The following DISP3 variants were observed in gnomAD, a reference collection of about 807,000 sequenced individuals.
DISP3 encodes protein dispatched homolog 3.
A neutral mutation model predicts 135.3 loss-of-function variants in DISP3; 101 were observed. The observed-to-expected ratio is 0.75, with a 90% CI of 0.64 to 0.88. The LOEUF (loss-of-function observed/expected upper bound fraction) is 0.88, where lower values mean the gene tolerates loss of function less well. Ranked by LOEUF, DISP3 falls within the 40% of genes least tolerant of loss-of-function variation. The pLI is 0.00. For synonymous variants in DISP3, 856 were observed against 817.0 expected (o/e 1.05, Z -0.81); for missense variants, 1,713 against 1,878.6 (o/e 0.91, Z 1.63).
At chr1:11,480,473 C>T (rs532198098) in intron 1 of DISP3, among the ~76,000 whole-genome samples, 39 of 152,246 alleles carry the variant, frequency 2.6e-4, no homozygotes, top group South Asian at 1.7e-3. Flanking sequence ...CGCACGTGGG[C>T]GGACAGATCT....
In DISP3 at chr1:11,516,275, G is replaced by C; in HGVS notation, c.1749+114G>C. The C allele has an allele frequency of 7.7e-7, 1 of 1,301,238 alleles. No homozygotes were observed. The highest frequency in any genetic ancestry group is 1.5e-5 in the South Asian group (1 of 67,468). 80.6% of individuals were successfully genotyped at this position (1,301,238 alleles called of 1,614,324 possible). A position where few individuals can be genotyped will look rare whatever the true frequency, so the allele number is the denominator to read the frequency against. On this transcript the variant is annotated intron_variant, in intron 6 of 20. Transcript: ENST00000294484. This position sits in a 1 kb window ranked among gnomAD's most constrained non-coding sequence, Gnocchi z 5.1. ...AGTGGCCATATAGCCTTCACCTCAA[G>C]GTACTTGCCCTGGCTCTAGAGTTCA... is the stretch of plus-strand genomic sequence containing the variant.
chr1:11,526,406 G>C (rs1413566934), intron 12 of DISP3, among the ~76,000 whole-genome samples: 4 of 152,216 alleles, frequency 2.6e-5, no homozygotes, highest in Non-Finnish European at 1.5e-5. Flanking sequence ...GCCTGGCATG[G>C]GACAGACACT....
At chr1:11,535,749 A>T (rs1642693176) in intron 20 of DISP3, 105 bp downstream of exon 20, 1 of 1,378,858 alleles carries the variant, frequency 7.3e-7, no homozygotes. Flanking sequence ...CAGCACCAGG[A>T]CCCCCATGCA....
In DISP3 at chr1:11,514,462, GC is replaced by G; in HGVS notation, c.1390del (p.Leu464SerfsTer55). 6.2e-7 allele frequency: 1 copy of G among 1,614,048 alleles called. No individual in the cohort carries two copies. Among genetic ancestry groups the G allele is most frequent in the Non-Finnish European group, 8.5e-7 (1 of 1,179,898 alleles). ...EVRRTFNNDM[L>X]LAFISSSCIA... ...TGCGCAGGACGTTCAACAATGACATGCTCCTGGCCTTCATCAGCAGCAGCTG... is the reference window on the plus strand; with the variant it reads ...TGCGCAGGACGTTCAACAATGACATGTCCTGGCCTTCATCAGCAGCAGCTG... On this transcript the variant is annotated frameshift_variant, in exon 4 of 21. Transcript: ENST00000294484. LOFTEE classifies it high-confidence loss of function.
chr1:11,496,058 C>T (rs1314207584), intron 1 of DISP3, among the ~76,000 whole-genome samples: 1 of 152,110 alleles, frequency 6.6e-6, no homozygotes, highest in Non-Finnish European at 1.5e-5. Context: ...CACCCATAAT[C>T]CTCCCAAACA....
rs575206794 is a variant in DISP3, at chr1:11,525,488, G to A, written c.2613+176G>A. 7.9e-5 allele frequency among the ~76,000 whole-genome samples: 12 copies of A among 152,338 alleles called. No individual in the cohort carries two copies. In the South Asian group the frequency reaches 1.7e-3, roughly 21 times the overall value. ...CAGGGACCTGCCGAGTGGTAGCAGC[G>A]TGGGCTTCTGAGTCAGCCAGGCCTG... On this transcript the variant is annotated intron_variant, in intron 12 of 20. Coordinates refer to ENST00000294484, the MANE Select transcript of DISP3 (RefSeq NM_020780.2).
intron 10 of DISP3, among the ~76,000 whole-genome samples, chr1:11,522,618 A>G (rs61773865): frequency 0.11 from 3,667 of 34,528 alleles, 50 homozygotes; most frequent in East Asian, 0.22. Flanking sequence ...CCCAGCCAGG[A>G]CCCAGCCAGA....
At chr1:11,533,372 C>T (rs895774303) in intron 17 of DISP3, among the ~76,000 whole-genome samples, 4 of 151,508 alleles carry the variant, frequency 2.6e-5, no homozygotes, top group Admixed American at 1.3e-4. Context: ...TCTCCTGCCT[C>T]AGCCTCCCAA....
In DISP3 at chr1:11,536,771, T is replaced by C; in HGVS notation, c.*85T>C. The stretch of plus-strand genomic sequence containing the variant: ...TTCCCAGCTCGACTTCAGCTAGCTG[T>C]GTCCCCAGGCCTGGGCCCAGGGCGC... On this transcript the variant is annotated 3_prime_UTR_variant, in exon 21 of 21. Coordinates refer to ENST00000294484, the MANE Select transcript of DISP3 (RefSeq NM_020780.2). The surrounding 1 kb of genome is among the most constrained non-coding windows in gnomAD (Gnocchi z 4.3). The C allele has an allele frequency of 7.0e-7, 1 of 1,433,956 alleles. No homozygotes were observed. The highest frequency in any genetic ancestry group is 9.1e-7 in the Non-Finnish European group (1 of 1,094,472). The allele number at this position is 1,433,956 out of a possible 1,614,324, so 88.8% of individuals were successfully genotyped here.
chr1:11,504,009 A>T (rs1641629821), intron 3 of DISP3, among the ~76,000 whole-genome samples: 1 of 152,134 alleles, frequency 6.6e-6, no homozygotes, highest in African/African-American at 2.4e-5. Flanking sequence ...CAGTAACTGT[A>T]GTGCTTTCCC....
intron 18 of DISP3, 124 bp from the exon 19 acceptor site, chr1:11,534,887 T>A: frequency 1.1e-6 from 1 of 928,948 alleles, no homozygotes; most frequent in Non-Finnish European, 1.7e-6. Context: ...GGGTAGGTCC[T>A]GTTATGACCC....
At chr1:11,517,327 C>T in intron 6 of DISP3, 136 bp from the exon 7 acceptor site, 1 of 1,169,532 alleles carries the variant, frequency 8.6e-7, no homozygotes, top group Non-Finnish European at 1.2e-6. Flanking sequence ...GGCATTCTGG[C>T]AGCCTGGGCC....
chr1:11,517,013 C>T (rs1642030861), intron 6 of DISP3, among the ~76,000 whole-genome samples: 1 of 152,210 alleles, frequency 6.6e-6, no homozygotes, highest in Admixed American at 6.5e-5. Flanking sequence ...CCTGTGTGGT[C>T]CCTGTCATAC....
In DISP3 at chr1:11,519,579, A is replaced by C. The variant is rs1034972175; in HGVS notation, c.2038+76A>C. 6.3e-7 allele frequency: 1 copy of C among 1,584,274 alleles called. No individual in the cohort carries two copies. The highest frequency in any genetic ancestry group is 8.6e-7 in the Non-Finnish European group (1 of 1,163,080). Reference sequence around the variant, plus strand: ...GCCTCTGCCAGGGGAGTAACACTTGACAAGTTGGTCCTGAGGCTGGGGGCC... The same window carrying C: ...GCCTCTGCCAGGGGAGTAACACTTGCCAAGTTGGTCCTGAGGCTGGGGGCC... On this transcript the variant is annotated intron_variant, in intron 8 of 20. Transcript: ENST00000294484. This position sits in a 1 kb window ranked among gnomAD's most constrained non-coding sequence, Gnocchi z 4.3.
In DISP3 at chr1:11,533,827, G is replaced by GGT. The variant is rs1334917486; in HGVS notation, c.3376-552_3376-551dup. 9.8e-6 allele frequency: 7 copies of GGT among 717,848 alleles called. No individual in the cohort carries two copies. The African/African-American group carries it at 1.2e-4, about 13-fold the overall frequency. The allele number at this position is 717,848 out of a possible 1,614,324, so 44.5% of individuals were successfully genotyped here. On this transcript the variant is annotated intron_variant, in intron 17 of 20. Transcript: ENST00000294484. ...ATACCTTAAGAATCTTTTAGAGCAGGGTGAGTGCCTATTTCTCTCATTCAT... is the reference window on the plus strand; with the variant it reads ...ATACCTTAAGAATCTTTTAGAGCAGGGTGTGAGTGCCTATTTCTCTCATTCAT...
At chr1:11,528,213 G>A (rs1464446474) in intron 13 of DISP3, among the ~76,000 whole-genome samples, 1 of 152,200 alleles carries the variant, frequency 6.6e-6, no homozygotes, top group Non-Finnish European at 1.5e-5. Flanking sequence ...GAGGGCCCCT[G>A]TTGTATTCAC....
rs545153378 is a variant in DISP3 at position 11,507,109 on chromosome 1, A to C, written c.1316+4212A>C. The stretch of plus-strand genomic sequence containing the variant: ...TCAGTGATGAACATTATGTGAAAAA[A>C]ACACACACACACAGAGGTCCAGACG... On this transcript the variant is annotated intron_variant, in intron 3 of 20. Coordinates refer to ENST00000294484, the MANE Select transcript of DISP3 (RefSeq NM_020780.2). Among the ~76,000 whole-genome samples, 18 of 152,238 alleles carry C rather than the reference A, an allele frequency of 1.2e-4. No homozygotes were observed. In the East Asian group the frequency reaches 1.7e-3, roughly 15 times the overall value.
chr1:11,516,240 C>T lies in DISP3; in HGVS notation c.1749+79C>T. 6.5e-7 allele frequency: 1 copy of T among 1,526,896 alleles called. No individual in the cohort carries two copies. The highest frequency in any genetic ancestry group is 8.9e-7 in the Non-Finnish European group (1 of 1,120,718). The allele number at this position is 1,526,896 out of a possible 1,614,324, so 94.6% of individuals were successfully genotyped here. Reference sequence around the variant, plus strand: ...TAGCCGCTGGTCTCTGCCCTTCCCACCACCGCTTGAGTGGCCATATAGCCT... The same window carrying T: ...TAGCCGCTGGTCTCTGCCCTTCCCATCACCGCTTGAGTGGCCATATAGCCT... On this transcript the variant is annotated intron_variant, in intron 6 of 20. Coordinates refer to ENST00000294484, the MANE Select transcript of DISP3 (RefSeq NM_020780.2). The surrounding 1 kb of genome is among the most constrained non-coding windows in gnomAD (Gnocchi z 5.1).
Position 11,519,722 on chromosome 1 carries a change from C to T in DISP3, c.2042C>T (p.Ser681Leu), listed in dbSNP as rs1273774246. The T allele has an allele frequency of 6.2e-7, 1 of 1,612,596 alleles. No homozygotes were observed. Residue 681 changes from serine to leucine, a missense_variant, in exon 9 of 21, where the codon TCA (serine) becomes TTA (leucine). This residue lies in a region of DISP3 where 1,142 missense variants were observed against 1,384.6 expected (regional missense o/e 0.82). Coordinates refer to ENST00000294484, the MANE Select transcript of DISP3 (RefSeq NM_020780.2). This position sits in a 1 kb window ranked among gnomAD's most constrained non-coding sequence, Gnocchi z 4.3. ...PLLEVEEEPVSLELGDVSLVS... is the reference protein window; with the variant it reads ...PLLEVEEEPVLLELGDVSLVS... ...GGCCACTGCTCTGCCCTGGCAGTGT[C>T]ACTGGAGCTGGGAGACGTGTCCCTG...
Sources: gnomAD v4.1 joint callset for allele counts (sites outside exome capture counted in the v4.1 genomes callset) on GRCh38, gnomAD v4.1.1 for gene constraint, gnomAD v4.1.1 regional missense constraint, Gnocchi (gnomAD v3.1) non-coding constraint, MANE v1.5 for transcripts, NCBI Gene and HGNC (gene_info 2026-07-23, HGNC 2026-07-21) for gene names.